Variants in DGKI observed in about 807,000 individuals in gnomAD.
The protein encoded by DGKI is diacylglycerol kinase iota, also known as DAG kinase iota.
A neutral mutation model predicts 147.5 loss-of-function variants in DGKI; 55 were observed. That is an observed-to-expected ratio of 0.37 (90% CI 0.30 to 0.47). DGKI has a LOEUF of 0.47. Ranked by LOEUF, DGKI falls within the 20% of genes least tolerant of loss-of-function variation. The probability of loss-of-function intolerance (pLI) is 1.00; values close to 1 mark genes in which losing one functional copy is unlikely to be tolerated. For missense variants in DGKI, 1,007 were observed against 1,323.8 expected, an observed-to-expected ratio of 0.76 and a Z score of 3.71; for synonymous variants, 469 against 477.1, an observed-to-expected ratio of 0.98 and a Z score of 0.22.
intron 21 of DGKI, among the ~76,000 whole-genome samples, chr7:137,498,995 G>A (rs537336324): frequency 2.0e-5 from 3 of 152,242 alleles, no homozygotes; most frequent in African/African-American, 7.2e-5. Flanking sequence ...GAGTCCGTGT[G>A]CACTCTCAGA....
chr7:137,549,115 T>A (rs1817961942), intron 20 of DGKI, among the ~76,000 whole-genome samples: 1 of 152,136 alleles, frequency 6.6e-6, no homozygotes, highest in African/African-American at 2.4e-5. Flanking sequence ...GATGGTAGTT[T>A]CATGTGTACA....
intron 10 of DGKI, 64 bp downstream of exon 10, chr7:137,608,902 T>G: frequency 6.3e-6 from 8 of 1,263,818 alleles, no homozygotes; most frequent in Non-Finnish European, 6.9e-6. Flanking sequence ...TAATTGGCAG[T>G]GAGAGTTGTG....
At chr7:137,408,249 C>CT (rs1812034165) in intron 29 of DGKI, among the ~76,000 whole-genome samples, 1 of 152,140 alleles carries the variant, frequency 6.6e-6, no homozygotes, top group South Asian at 2.1e-4. Flanking sequence ...TGCTGAATTA[C>CT]TTTTTTCATT....
chr7:137,385,282 C>T lies in DGKI; in HGVS notation c.*5938G>A, dbSNP rs1811151300. On this transcript the variant is annotated 3_prime_UTR_variant, in exon 33 of 33. Coordinates refer to ENST00000614521, the MANE Select transcript of DGKI (RefSeq NM_001321708.2). ...TTTAAATGATAACTAACGGCCATTC[C>T]CCTAGATATTTTTAAAATTCTCAGT... 2 of 151,838 alleles carry T rather than the reference C, an allele frequency of 1.3e-5. No individual in the cohort carries two copies. Among genetic ancestry groups the T allele is most frequent in the Admixed American group, 1.3e-4 (2 of 15,206 alleles). The allele number at this position is 151,838 out of a possible 1,614,324, so 9.4% of individuals were successfully genotyped here.
intron 1 of DGKI, among the ~76,000 whole-genome samples, chr7:137,770,499 T>C (rs993711511): frequency 3.3e-5 from 5 of 152,002 alleles, no homozygotes; most frequent in African/African-American, 1.2e-4. Flanking sequence ...AAAAAAGAAT[T>C]AGTTTTATAA....
intron 1 of DGKI, among the ~76,000 whole-genome samples, chr7:137,693,872 G>A (rs1823692573): frequency 6.6e-6 from 1 of 152,170 alleles, no homozygotes; most frequent in South Asian, 2.1e-4. Flanking sequence ...AGAATCCAGT[G>A]TTAAGAAGCC....
rs781580130 is a variant in DGKI at position 137,846,161 on chromosome 7, T to TCTCTCTCTCTCTCTCTCACACACACA, written c.401+300_401+301insTGTGTGTGTGAGAGAGAGAGAGAGAG. ...CTCTCTCTCTCTCTCTCTCTCTCTC[T>TCTCTCTCTCTCTCTCTCACACACACA]CACACACACACACACACACACACAC... On this transcript the variant is annotated intron_variant, in intron 1 of 32. Coordinates refer to ENST00000614521, the MANE Select transcript of DGKI (RefSeq NM_001321708.2). The surrounding 1 kb of genome is among the most constrained non-coding windows in gnomAD (Gnocchi z 4.0). Among the ~76,000 whole-genome samples the TCTCTCTCTCTCTCTCTCACACACACA allele has an allele frequency of 9.2e-6, 1 of 108,182 alleles. No individual in the cohort carries two copies. Among genetic ancestry groups the TCTCTCTCTCTCTCTCTCACACACACA allele is most frequent in the Non-Finnish European group, 1.8e-5 (1 of 55,330 alleles). 71.0% of individuals were successfully genotyped at this position (108,182 alleles called of 152,430 possible).
Position 137,390,119 on chromosome 7 carries a change from T to C in DGKI, c.*1101A>G, listed in dbSNP as rs1811305716. Reference sequence around the variant, plus strand: ...ATAGTTATTAGCCTCTGTGCAACATTCCAATGACTGTTTCCTATTTCAGTG... The same window carrying C: ...ATAGTTATTAGCCTCTGTGCAACATCCCAATGACTGTTTCCTATTTCAGTG... On this transcript the variant is annotated 3_prime_UTR_variant, in exon 33 of 33. Coordinates refer to ENST00000614521, the MANE Select transcript of DGKI (RefSeq NM_001321708.2). The C allele has an allele frequency of 1.3e-5, 2 of 152,082 alleles. No individual in the cohort carries two copies. Among genetic ancestry groups the C allele is most frequent in the South Asian group, 4.1e-4 (2 of 4,832 alleles). 9.4% of individuals were successfully genotyped at this position (152,082 alleles called of 1,614,324 possible).
chr7:137,571,577 T>A (rs1818795076), intron 18 of DGKI, among the ~76,000 whole-genome samples: 1 of 152,244 alleles, frequency 6.6e-6, no homozygotes, highest in South Asian at 2.1e-4. Flanking sequence ...TTCTATGATA[T>A]ATCATGAATT....
At chr7:137,823,380 A>G (rs1363431144) in intron 1 of DGKI, among the ~76,000 whole-genome samples, 1 of 152,202 alleles carries the variant, frequency 6.6e-6, no homozygotes, top group Non-Finnish European at 1.5e-5. Context: ...CTCTCAGTCA[A>G]GTGTGAAGGT....
At chr7:137,441,570 A>G (rs914287842) in intron 28 of DGKI, among the ~76,000 whole-genome samples, 7 of 152,196 alleles carry the variant, frequency 4.6e-5, no homozygotes, top group African/African-American at 1.7e-4. Flanking sequence ...TAAAGGACAA[A>G]GCCACTGTAT....
At chr7:137,516,489 C>T (rs117406055) in intron 21 of DGKI, among the ~76,000 whole-genome samples, 3,838 of 151,902 alleles carry the variant, frequency 0.025, 76 homozygotes, top group Non-Finnish European at 0.036. Context: ...ATTTAAATGA[C>T]GTTTGCTAGA....
chr7:137,502,233 T>C (rs1816200269), intron 21 of DGKI, among the ~76,000 whole-genome samples: 1 of 152,042 alleles, frequency 6.6e-6, no homozygotes, highest in Non-Finnish European at 1.5e-5. Context: ...AGGATCAGAG[T>C]AGCTGAAGTA....
At position 137,720,250 on chromosome 7, in the gene DGKI, C is replaced by CTTTT. The variant is rs552382033; in HGVS notation, c.402-30252_402-30249dup. Among the ~76,000 whole-genome samples the CTTTT allele has an allele frequency of 2.9e-3, 258 of 88,236 alleles. 2 individuals carry two copies. Among genetic ancestry groups the CTTTT allele is most frequent in the Non-Finnish European group, 4.2e-3 (211 of 50,370 alleles). 57.9% of individuals were successfully genotyped at this position (88,236 alleles called of 152,430 possible). On this transcript the variant is annotated intron_variant, in intron 1 of 32. Coordinates refer to ENST00000614521, the MANE Select transcript of DGKI (RefSeq NM_001321708.2). The stretch of plus-strand genomic sequence containing the variant: ...TAAGGTTTTTCACACTTGAAAAAAT[C>CTTTT]TTTTTTTTTTTTTTTTTTTTTTTTT...
chr7:137,659,925 T>C (rs954731069), intron 3 of DGKI, among the ~76,000 whole-genome samples: 3 of 152,144 alleles, frequency 2.0e-5, no homozygotes, highest in Non-Finnish European at 4.4e-5. Context: ...AGAGCGAGAC[T>C]CCATCTCAAA....
At chr7:137,604,731 A>G (rs1820112887) in intron 10 of DGKI, among the ~76,000 whole-genome samples, 1 of 152,180 alleles carries the variant, frequency 6.6e-6, no homozygotes, top group South Asian at 2.1e-4. Flanking sequence ...TTTACCCTGA[A>G]GTTAAAGTCT....
At chr7:137,461,691 G>A (rs1814448606) in intron 27 of DGKI, among the ~76,000 whole-genome samples, 1 of 152,162 alleles carries the variant, frequency 6.6e-6, no homozygotes, top group African/African-American at 2.4e-5. Flanking sequence ...AGCTGGAGAA[G>A]CTGAAAGGCT....
In DGKI at chr7:137,839,663, C is replaced by A. The variant is rs1009627192; in HGVS notation, c.401+6799G>T. Among the ~76,000 whole-genome samples, 6 of 152,192 alleles carry A rather than the reference C, an allele frequency of 3.9e-5. No homozygotes were observed. In the East Asian group the frequency reaches 9.6e-4, roughly 24 times the overall value. The stretch of plus-strand genomic sequence containing the variant: ...TAGCAGGGCTCTTCACCAGTACTCT[C>A]CTCTACCTCTCAAGTAATTGAAAGT... On this transcript the variant is annotated intron_variant, in intron 1 of 32. Coordinates refer to ENST00000614521, the MANE Select transcript of DGKI (RefSeq NM_001321708.2).
At chr7:137,696,637 T>C (rs1335653419) in intron 1 of DGKI, among the ~76,000 whole-genome samples, 2 of 152,034 alleles carry the variant, frequency 1.3e-5, no homozygotes, top group African/African-American at 4.8e-5. Context: ...CATGGTAAGA[T>C]GACTTCACTG....
Sources: allele counts gnomAD v4.1 joint callset (sites outside exome capture counted in the v4.1 genomes callset), GRCh38; gene constraint gnomAD v4.1.1; non-coding constraint Gnocchi (gnomAD v3.1); transcripts MANE v1.5; gene names NCBI Gene and HGNC (gene_info 2026-07-23, HGNC 2026-07-21).